Variants in RNF121 observed in about 807,000 individuals in gnomAD.
The protein encoded by RNF121 is ring finger protein 121, also known as E3 ubiquitin ligase RNF121.
A neutral mutation model predicts 46.5 loss-of-function variants in RNF121; 21 were observed. That is an observed-to-expected ratio of 0.45 (90% confidence interval 0.32 to 0.65). The LOEUF is 0.65. Among genes scored for constraint, RNF121 ranks in the 30% least tolerant of loss-of-function variants. RNF121 has a pLI of 0.04. For synonymous variants in RNF121, 139 were observed against 144.7 expected, an observed-to-expected ratio of 0.96 and a Z score of 0.28; for missense variants, 346 against 416.0, an observed-to-expected ratio of 0.83 and a Z score of 1.46.
At chr11:71,948,555 T>TG (rs1953783275) in intron 1 of RNF121, among the ~76,000 whole-genome samples, 1 of 139,776 alleles carries the variant, frequency 7.2e-6, no homozygotes. Context: ...TCAACTCAGC[T>TG]GGCCAGGAGG....
chr11:71,963,590 A>C (rs912680870), intron 3 of RNF121, among the ~76,000 whole-genome samples: 5 of 152,182 alleles, frequency 3.3e-5, no homozygotes, highest in Non-Finnish European at 7.3e-5. Context: ...ACTGCACCCC[A>C]GCCTGATAAC....
At chr11:71,975,843 A>G (rs1050206663) in intron 3 of RNF121, among the ~76,000 whole-genome samples, 2 of 152,182 alleles carry the variant, frequency 1.3e-5, no homozygotes, top group South Asian at 4.1e-4. Context: ...GGACCCAGAG[A>G]CAGAAGTGAC....
At chr11:71,969,365 C>A (rs1954370143) in intron 3 of RNF121, among the ~76,000 whole-genome samples, 1 of 151,920 alleles carries the variant, frequency 6.6e-6, no homozygotes, top group Non-Finnish European at 1.5e-5. Context: ...ACTATAGCTA[C>A]AAATAATGGT....
intron 6 of RNF121, among the ~76,000 whole-genome samples, chr11:71,994,337 C>T (rs1437262886): frequency 2.0e-5 from 3 of 152,094 alleles, no homozygotes; most frequent in African/African-American, 7.2e-5. Context: ...TATTGTTGTC[C>T]ATTTCTGGTG....
chr11:71,972,792 A>G (rs1954446913), intron 3 of RNF121, among the ~76,000 whole-genome samples: 1 of 152,108 alleles, frequency 6.6e-6, no homozygotes, highest in Non-Finnish European at 1.5e-5. Flanking sequence ...GGATATTGCA[A>G]GCTATGAGAC....
intron 3 of RNF121, among the ~76,000 whole-genome samples, chr11:71,969,287 C>T (rs1954368255): frequency 6.6e-6 from 1 of 151,988 alleles, no homozygotes; most frequent in Non-Finnish European, 1.5e-5. Context: ...GTGATATATT[C>T]ACATAATGGA....
intron 1 of RNF121, among the ~76,000 whole-genome samples, chr11:71,931,727 A>G (rs1047701886): frequency 6.6e-6 from 1 of 152,186 alleles, no homozygotes; most frequent in African/African-American, 2.4e-5. Context: ...GAGATCAAGC[A>G]CTTGAGTCAG....
intron 1 of RNF121, among the ~76,000 whole-genome samples, chr11:71,951,251 T>G (rs934419482): frequency 6.6e-6 from 1 of 150,442 alleles, no homozygotes; most frequent in African/African-American, 2.4e-5. Flanking sequence ...CTAAGCCAAC[T>G]CTCTCATTTT....
chr11:71,952,727 T>C (rs1181729577), intron 1 of RNF121, among the ~76,000 whole-genome samples: 1 of 152,202 alleles, frequency 6.6e-6, no homozygotes, highest in African/African-American at 2.4e-5. Flanking sequence ...GGGAATCACT[T>C]GAGCCTGGAA....
At chr11:71,937,449 A>G (rs949128268) in intron 1 of RNF121, among the ~76,000 whole-genome samples, 3 of 152,096 alleles carry the variant, frequency 2.0e-5, no homozygotes, top group African/African-American at 7.2e-5. Context: ...AGTAGCTGGG[A>G]TTACAGACAC....
In RNF121 at chr11:71,960,861, G is replaced by A. The variant is rs745968605; in HGVS notation, c.213G>A (p.Gln71=). 20 of 1,614,160 alleles carry A rather than the reference G, an allele frequency of 1.2e-5. No homozygotes were observed. The highest frequency in any genetic ancestry group is 1.6e-4 in the Middle Eastern group (1 of 6,062). ...TGGTGGCCCAGCTGCTCCTGGTGCA[G>A]TGGAAGCAGAGGCACCCACGCTCCT... ...TLVVAQLLLV[Q]WKQRHPRSYN... The change falls in exon 3 of 9, where the codon CAG becomes CAA. Residue 71 remains glutamine (Q), a synonymous_variant. Coordinates refer to ENST00000361756, the MANE Select transcript of RNF121 (RefSeq NM_018320.5).
intron 3 of RNF121, among the ~76,000 whole-genome samples, chr11:71,974,002 C>T (rs1219034717): frequency 6.6e-6 from 1 of 152,118 alleles, no homozygotes; most frequent in East Asian, 1.9e-4. Flanking sequence ...ACTGCAGTGG[C>T]GCTATCTCGG....
At chr11:71,932,487 T>C (rs1207854945) in intron 1 of RNF121, among the ~76,000 whole-genome samples, 1 of 152,248 alleles carries the variant, frequency 6.6e-6, no homozygotes, top group East Asian at 1.9e-4. Context: ...GGGTGGGAAC[T>C]TTAAAATTGT....
At chr11:71,980,526 TAG>T (rs1954629088) in intron 3 of RNF121, among the ~76,000 whole-genome samples, 1 of 152,142 alleles carries the variant, frequency 6.6e-6, no homozygotes, top group South Asian at 2.1e-4. Flanking sequence ...TTTGTATTTT[TAG>T]TAGAGACGGG....
chr11:71,955,201 G>T (rs976254171), intron 1 of RNF121, among the ~76,000 whole-genome samples: 11 of 152,132 alleles, frequency 7.2e-5, no homozygotes, highest in Non-Finnish European at 1.3e-4. Flanking sequence ...TTGAGCCCCA[G>T]GTCTCTTGCT....
chr11:71,991,918 A>T (rs1430020077), intron 6 of RNF121, among the ~76,000 whole-genome samples: 1 of 151,554 alleles, frequency 6.6e-6, no homozygotes, highest in Non-Finnish European at 1.5e-5. Context: ...CAGCCTGAGC[A>T]CCATAGTGAG....
chr11:71,992,045 C>G (rs1203512616), intron 6 of RNF121, among the ~76,000 whole-genome samples: 1 of 152,050 alleles, frequency 6.6e-6, no homozygotes, highest in African/African-American at 2.4e-5. Flanking sequence ...TTGAGCCTTG[C>G]AGTGAGCTTG....
intron 8 of RNF121, 48 bp downstream of exon 8, chr11:71,995,599 T>C: frequency 6.9e-7 from 1 of 1,451,684 alleles, no homozygotes; most frequent in South Asian, 1.2e-5. Context: ...GGGAAGAAAG[T>C]ACTGGCCAGT....
chr11:71,964,854 G>C (rs1373583234), intron 3 of RNF121, among the ~76,000 whole-genome samples: 1 of 152,140 alleles, frequency 6.6e-6, no homozygotes, highest in Non-Finnish European at 1.5e-5. Context: ...TTTTTTATGG[G>C]ATGGTTGACT....
Sources: allele counts gnomAD v4.1 joint callset (sites outside exome capture counted in the v4.1 genomes callset), GRCh38; gene constraint gnomAD v4.1.1; transcripts MANE v1.5; gene names NCBI Gene and HGNC (gene_info 2026-07-23, HGNC 2026-07-21).